Variants in ZNF521 observed in about 807,000 individuals in gnomAD.
The protein encoded by ZNF521 is LYST-interacting protein 3.
Under a neutral mutation model 105.5 loss-of-function variants are expected in ZNF521, and 14 were observed. The observed-to-expected ratio is 0.13, with a 90% CI of 0.09 to 0.21. The LOEUF (loss-of-function observed/expected upper bound fraction) is 0.21. ZNF521 is among the 10% of genes least tolerant of loss of function. The pLI, the probability that ZNF521 is intolerant of heterozygous loss-of-function variation, is 1.00. For missense variants in ZNF521, 1,233 were observed against 1,629.7 expected (o/e 0.76, Z 4.19); for synonymous variants, 635 against 606.0 (o/e 1.05, Z -0.70).
In ZNF521 at chr18:25,104,039, A is replaced by G. The variant is rs531909128; in HGVS notation, c.3659-11958T>C. Among the ~76,000 whole-genome samples the G allele has an allele frequency of 3.3e-5, 5 of 152,318 alleles. No individual in the cohort carries two copies. The East Asian group carries it at 9.6e-4, about 29-fold the overall frequency. On this transcript the variant is annotated intron_variant, in intron 5 of 7. Coordinates refer to ENST00000361524, the MANE Select transcript of ZNF521 (RefSeq NM_015461.3). ...CTATCTGTTAAATAAAGAATGAGAC[A>G]TAATAGTTATGGAGTGCTCTTTCTC...
At chr18:25,215,008 T>C (rs1490343041) in intron 4 of ZNF521, among the ~76,000 whole-genome samples, 1 of 152,018 alleles carries the variant, frequency 6.6e-6, no homozygotes, top group African/African-American at 2.4e-5. Context: ...GAAATTATAG[T>C]TGGAGTTGAT....
intron 7 of ZNF521, 90 bp downstream of exon 7, chr18:25,089,375 G>T: frequency 1.0e-6 from 1 of 977,708 alleles, no homozygotes; most frequent in Non-Finnish European, 1.6e-6. Context: ...CCCAGGGTGA[G>T]TGATACTGTG....
At chr18:25,222,012 G>A (rs181339622) in intron 4 of ZNF521, among the ~76,000 whole-genome samples, 94 of 152,116 alleles carry the variant, frequency 6.2e-4, no homozygotes, top group African/African-American at 2.0e-3. Flanking sequence ...CGATAGTAAC[G>A]ATGATTAAAA....
At chr18:25,288,787 A>T (rs1478520187) in intron 3 of ZNF521, among the ~76,000 whole-genome samples, 1 of 152,190 alleles carries the variant, frequency 6.6e-6, no homozygotes, top group Admixed American at 6.5e-5. Context: ...TCAATGAGGA[A>T]TAAAGAATTT....
intron 4 of ZNF521, among the ~76,000 whole-genome samples, chr18:25,217,837 A>G (rs754397406): frequency 9.8e-5 from 15 of 152,340 alleles, no homozygotes; most frequent in Non-Finnish European, 1.6e-4. Context: ...TGCACAGGGC[A>G]TTGAGGGGAT....
At chr18:25,185,914 A>G (rs2035714149) in intron 5 of ZNF521, among the ~76,000 whole-genome samples, 3 of 152,216 alleles carry the variant, frequency 2.0e-5, no homozygotes, top group African/African-American at 7.2e-5. Context: ...TGCTAAAAGG[A>G]AAAGATAAAG....
At chr18:25,077,686 G>A (rs1000382476) in intron 7 of ZNF521, among the ~76,000 whole-genome samples, 1 of 152,186 alleles carries the variant, frequency 6.6e-6, no homozygotes, top group East Asian at 1.9e-4. Flanking sequence ...CAGACTGTTC[G>A]GCTACAGTCC....
chr18:25,106,164 T>C (rs1357846388), intron 5 of ZNF521, among the ~76,000 whole-genome samples: 1 of 152,124 alleles, frequency 6.6e-6, no homozygotes, highest in Non-Finnish European at 1.5e-5. Flanking sequence ...TAACAAACTG[T>C]TTGAAAATCC....
intron 5 of ZNF521, among the ~76,000 whole-genome samples, chr18:25,099,426 C>G (rs989107254): frequency 5.9e-5 from 9 of 152,154 alleles, no homozygotes; most frequent in African/African-American, 2.2e-4. Flanking sequence ...GCAAATAAAG[C>G]ATTAACAAAG....
At chr18:25,113,321 A>AC (rs1316785444) in intron 5 of ZNF521, among the ~76,000 whole-genome samples, 2 of 151,454 alleles carry the variant, frequency 1.3e-5, no homozygotes, top group Non-Finnish European at 2.9e-5. Context: ...TCAACCATCC[A>AC]CCCCCAAGCC....
chr18:25,297,230 C>A (rs562508479), intron 3 of ZNF521, among the ~76,000 whole-genome samples: 1 of 151,938 alleles, frequency 6.6e-6, no homozygotes, highest in East Asian at 1.9e-4. Context: ...ATGTAACACA[C>A]TAGATATACG....
chr18:25,091,420 C>G (rs924422100), intron 6 of ZNF521, among the ~76,000 whole-genome samples: 15 of 150,774 alleles, frequency 9.9e-5, no homozygotes, highest in Non-Finnish European at 2.1e-4. Context: ...AACTTCTACT[C>G]TAAAAATCCA....
chr18:25,313,580 G>T (rs1376849707), intron 3 of ZNF521, among the ~76,000 whole-genome samples: 1 of 152,124 alleles, frequency 6.6e-6, no homozygotes, highest in African/African-American at 2.4e-5. Flanking sequence ...AACCTCATGG[G>T]AAAGAATAAC....
chr18:25,203,467 A>T (rs1013805190), intron 4 of ZNF521, among the ~76,000 whole-genome samples: 1 of 152,130 alleles, frequency 6.6e-6, no homozygotes, highest in Non-Finnish European at 1.5e-5. Context: ...ATATTAAAAA[A>T]TTAGTCAGGT....
intron 3 of ZNF521, among the ~76,000 whole-genome samples, chr18:25,242,194 A>G (rs1907385224): frequency 6.6e-6 from 1 of 152,214 alleles, no homozygotes; most frequent in Admixed American, 6.5e-5. Flanking sequence ...CCATCTAAAA[A>G]TGGAAGACAA....
intron 4 of ZNF521, among the ~76,000 whole-genome samples, chr18:25,195,824 C>T (rs528287564): frequency 6.6e-6 from 1 of 151,856 alleles, no homozygotes; most frequent in African/African-American, 2.4e-5. Flanking sequence ...GAAATAATAT[C>T]ATAATGAACA....
chr18:25,210,569 G>C (rs766049763), intron 4 of ZNF521, among the ~76,000 whole-genome samples: 1 of 152,104 alleles, frequency 6.6e-6, no homozygotes, highest in East Asian at 1.9e-4. Context: ...ACATACTTAC[G>C]AGGTGTCTAA....
At chr18:25,154,195 T>C (rs1014846970) in intron 5 of ZNF521, among the ~76,000 whole-genome samples, 1 of 152,214 alleles carries the variant, frequency 6.6e-6, no homozygotes, top group Non-Finnish European at 1.5e-5. Flanking sequence ...AAATTCAACA[T>C]GAACTTTTTC....
intron 3 of ZNF521, among the ~76,000 whole-genome samples, chr18:25,258,325 T>C (rs1196115472): frequency 1.5e-4 from 23 of 152,140 alleles, no homozygotes; most frequent in Non-Finnish European, 2.9e-5. Context: ...TATTACAAAA[T>C]GTACAGCTTG....
Sources: allele counts gnomAD v4.1 joint callset (sites outside exome capture counted in the v4.1 genomes callset), GRCh38; gene constraint gnomAD v4.1.1; transcripts MANE v1.5; gene names NCBI Gene and HGNC (gene_info 2026-07-23, HGNC 2026-07-21).